The following OAS3 variants were observed in gnomAD, a reference collection of about 807,000 sequenced individuals.
OAS3 encodes the protein 2'-5'-oligoadenylate synthetase 3.
OAS3 carries 107 observed loss-of-function variants against 113.0 expected under a neutral mutation model. That is an observed-to-expected ratio of 0.95 (90% confidence interval 0.81 to 1.11). The LOEUF (loss-of-function observed/expected upper bound fraction) is 1.11. Among genes scored for constraint, OAS3 ranks in the 50% most tolerant of loss-of-function variants. The probability of loss-of-function intolerance (pLI) is 0.00; values close to 1 mark genes in which losing one functional copy is unlikely to be tolerated. For missense variants in OAS3, 1,258 were observed against 1,389.1 expected, an observed-to-expected ratio of 0.91 and a Z score of 1.50; for synonymous variants, 552 against 573.6, an observed-to-expected ratio of 0.96 and a Z score of 0.54.
chr12:112,959,893 T>C lies in OAS3; in HGVS notation c.1658-1178T>C, dbSNP rs982659443. Among the ~76,000 whole-genome samples, 33 of 152,314 alleles carry C rather than the reference T, an allele frequency of 2.2e-4. 1 individual carries two copies. The highest frequency in any genetic ancestry group is 7.9e-4 in the African/African-American group (33 of 41,538). On this transcript the variant is annotated intron_variant, in intron 7 of 15. Coordinates refer to ENST00000228928, the MANE Select transcript of OAS3 (RefSeq NM_006187.4). ...TATTTGTTCATAGGCTTCGATTCTT[T>C]CACTGTGGTTTCAGTTTCTTTGATG... is the stretch of plus-strand genomic sequence containing the variant.
intron 11 of OAS3, among the ~76,000 whole-genome samples, chr12:112,965,369 G>A (rs2043924054): frequency 6.6e-6 from 1 of 152,112 alleles, no homozygotes; most frequent in South Asian, 2.1e-4. Context: ...CCCCAACCCA[G>A]GAAAACTTAA....
chr12:112,941,848 C>T lies in OAS3; in HGVS notation c.456C>T (p.Val152=). Residue 152 remains valine (V), a synonymous_variant, in exon 2 of 16, where the codon GTC becomes GTT. Transcript: ENST00000228928. The part of the protein sequence containing the change: ...MDVSLVPAFN[V]LGQAGSGVKP... ...TTAGCCTGGTGCCTGCCTTCAATGT[C>T]CTGGGTGAGGGGTTCCTAGACCATT... is the stretch of plus-strand genomic sequence containing the variant. 3 of 1,613,980 alleles carry T rather than the reference C, an allele frequency of 1.9e-6. No individual in the cohort carries two copies.
At chr12:112,958,653 A>C (rs909486442) in intron 7 of OAS3, among the ~76,000 whole-genome samples, 1 of 152,262 alleles carries the variant, frequency 6.6e-6, no homozygotes, top group Non-Finnish European at 1.5e-5. Flanking sequence ...GAGGCTGCAG[A>C]ACAGCAAATA....
At chr12:112,960,935 T>C in intron 7 of OAS3, 136 bp from the exon 8 acceptor site, 2 of 814,088 alleles carry the variant, frequency 2.5e-6, no homozygotes, top group Non-Finnish European at 2.0e-6. Flanking sequence ...TGTTATTCAA[T>C]GTTATAGTGT....
At chr12:112,961,297 C>G in intron 8 of OAS3, 51 bp downstream of exon 8, 1 of 1,554,746 alleles carries the variant, frequency 6.4e-7, no homozygotes, top group East Asian at 2.3e-5. Context: ...ATGGCAACCA[C>G]CCCAGCCAAT....
intron 2 of OAS3, among the ~76,000 whole-genome samples, chr12:112,943,461 A>G (rs902098456): frequency 1.3e-5 from 2 of 152,152 alleles, no homozygotes; most frequent in African/African-American, 4.8e-5. Flanking sequence ...AATTATGGAA[A>G]GTGTTTACTT....
intron 4 of OAS3, 30 bp from the exon 5 acceptor site, chr12:112,947,916 C>T (rs774001530): frequency 6.5e-7 from 1 of 1,550,086 alleles, no homozygotes; most frequent in Admixed American, 2.0e-5. Flanking sequence ...TCTTGCTAAC[C>T]AGAACCTTCT....
Position 112,970,104 on chromosome 12 carries a change from G to T in OAS3, c.*131G>T. 1.0e-6 allele frequency: 1 copy of T among 968,402 alleles called. No individual in the cohort carries two copies. Among genetic ancestry groups the T allele is most frequent in the Non-Finnish European group, 1.6e-6 (1 of 620,240 alleles). 60.0% of individuals were successfully genotyped at this position (968,402 alleles called of 1,614,324 possible). ...TGTGTGTGAGCACATGTGTGCATGT[G>T]TGTGCACACGTGTGCATGTGTGTGT... On this transcript the variant is annotated 3_prime_UTR_variant, in exon 16 of 16. Transcript: ENST00000228928.
chr12:112,938,797 T>C, intron 1 of OAS3, 90 bp downstream of exon 1: 1 of 1,071,580 alleles, frequency 9.3e-7, no homozygotes, highest in Non-Finnish European at 1.3e-6. Flanking sequence ...GGGGGTGGCT[T>C]TATCCGCTTG....
intron 12 of OAS3, among the ~76,000 whole-genome samples, chr12:112,966,501 C>T (rs375604974): frequency 6.6e-6 from 1 of 152,174 alleles, no homozygotes; most frequent in African/African-American, 2.4e-5. Flanking sequence ...AAAATAAAGC[C>T]TTGAACAAAA....
intron 5 of OAS3, 29 bp downstream of exon 5, chr12:112,948,128 G>C (rs1221275074): frequency 2.7e-6 from 4 of 1,486,818 alleles, no homozygotes; most frequent in Non-Finnish European, 3.6e-6. Flanking sequence ...GGACCCTTGG[G>C]TTTTGCACTT....
Position 112,970,093 on chromosome 12 carries a change from T to TGTGTGCATGTGTGTGCACAC in OAS3, c.*136_*155dup, listed in dbSNP as rs988152202. The TGTGTGCATGTGTGTGCACAC allele has an allele frequency of 8.3e-6, 9 of 1,078,962 alleles. No individual in the cohort carries two copies. In the East Asian group the frequency reaches 1.5e-4, roughly 18 times the overall value. 66.8% of individuals were successfully genotyped at this position (1,078,962 alleles called of 1,614,324 possible). Reference sequence around the variant, plus strand: ...TTGTGTACATGTGTGTGTGAGCACATGTGTGCATGTGTGTGCACACGTGTG... The same window carrying TGTGTGCATGTGTGTGCACAC: ...TTGTGTACATGTGTGTGTGAGCACATGTGTGCATGTGTGTGCACACGTGTGCATGTGTGTGCACACGTGTG... On this transcript the variant is annotated 3_prime_UTR_variant, in exon 16 of 16. Transcript: ENST00000228928.
chr12:112,970,932 G>T lies in OAS3; in HGVS notation c.*959G>T, dbSNP rs2136365436. 6.6e-6 allele frequency: 1 copy of T among 152,254 alleles called. No individual in the cohort carries two copies. The highest frequency in any genetic ancestry group is 2.1e-4 in the South Asian group (1 of 4,810). 9.4% of individuals were successfully genotyped at this position (152,254 alleles called of 1,614,324 possible). A position where few individuals can be genotyped will look rare whatever the true frequency, so the allele number is the denominator to read the frequency against. On this transcript the variant is annotated 3_prime_UTR_variant, in exon 16 of 16. Transcript: ENST00000228928. ...CCTGTTTTCTCTCCTAACATGCTGAGATTCTGCATCCCCACAGCCTAAACT... is the reference window on the plus strand; with the variant it reads ...CCTGTTTTCTCTCCTAACATGCTGATATTCTGCATCCCCACAGCCTAAACT...
rs1459512676 is a variant in OAS3, at chr12:112,954,062, C to T, written c.1657+3087C>T. 2.6e-5 allele frequency among the ~76,000 whole-genome samples: 4 copies of T among 152,170 alleles called. No homozygotes were observed. Among genetic ancestry groups the T allele is most frequent in the African/African-American group, 9.7e-5 (4 of 41,426 alleles). On this transcript the variant is annotated intron_variant, in intron 7 of 15. Transcript: ENST00000228928. The surrounding 1 kb of genome is among the most constrained non-coding windows in gnomAD (Gnocchi z 4.0). Reference sequence around the variant, plus strand: ...TGGTGTTTTAGTCATGAAGTCCTTGCCCATGCCTATGTCCTGAATGGTATT... The same window carrying T: ...TGGTGTTTTAGTCATGAAGTCCTTGTCCATGCCTATGTCCTGAATGGTATT...
At chr12:112,966,153 T>C in intron 12 of OAS3, 124 bp downstream of exon 12, 1 of 1,003,128 alleles carries the variant, frequency 1.0e-6, no homozygotes, top group Non-Finnish European at 1.5e-6. Context: ...GGCATTGTAG[T>C]TGTGTATGTT....
At position 112,963,410 on chromosome 12, in the gene OAS3, T is replaced by C. The variant is rs1271776357; in HGVS notation, c.2182T>C (p.Cys728Arg). The C allele has an allele frequency of 6.4e-7, 1 of 1,551,778 alleles. No individual in the cohort carries two copies. The highest frequency in any genetic ancestry group is 8.7e-7 in the Non-Finnish European group (1 of 1,147,108). ...AGCAGCAGCGCTGGGGATGCAGGCCTGCTTTCTGAGTAGAGACGGGACATC... is the reference window on the plus strand; with the variant it reads ...AGCAGCAGCGCTGGGGATGCAGGCCCGCTTTCTGAGTAGAGACGGGACATC... Reference protein sequence around the residue: ...QEAAALGMQACFLSRDGTSVQ... With the variant: ...QEAAALGMQARFLSRDGTSVQ... Residue 728 changes from cysteine to arginine, a missense_variant, in exon 10 of 16, where the codon TGC (cysteine) becomes CGC (arginine). Physicochemically the swap from Cys to Arg is radical, Grantham distance 180. Transcript: ENST00000228928. The surrounding 1 kb of genome is among the most constrained non-coding windows in gnomAD (Gnocchi z 4.6).
At chr12:112,946,096 T>G (rs1273189285) in intron 3 of OAS3, among the ~76,000 whole-genome samples, 4 of 152,134 alleles carry the variant, frequency 2.6e-5, no homozygotes, top group Non-Finnish European at 5.9e-5. Flanking sequence ...CACGCATGTT[T>G]GTCACCCCAG....
intron 4 of OAS3, 61 bp downstream of exon 4, chr12:112,947,042 A>C: frequency 7.0e-7 from 1 of 1,437,348 alleles, no homozygotes; most frequent in Admixed American, 1.8e-5. Flanking sequence ...GATAATTGAC[A>C]AGGACAAAAC....
At position 112,941,940 on chromosome 12, in the gene OAS3, T is replaced by A. The variant is rs1472498482; in HGVS notation, c.460+88T>A. On this transcript the variant is annotated intron_variant, in intron 2 of 15. Coordinates refer to ENST00000228928, the MANE Select transcript of OAS3 (RefSeq NM_006187.4). ...TTCCAATTCTAGCCCAGCCACCAAC[T>A]TGCTGTTTGACCTGGGCCAGCCTCT... 5 of 1,564,216 alleles carry A rather than the reference T, an allele frequency of 3.2e-6. No homozygotes were observed. The African/African-American group carries it at 6.8e-5, about 21-fold the overall frequency.
Sources: allele counts gnomAD v4.1 joint callset (sites outside exome capture counted in the v4.1 genomes callset), GRCh38; gene constraint gnomAD v4.1.1; non-coding constraint Gnocchi (gnomAD v3.1); transcripts MANE v1.5; gene names NCBI Gene and HGNC (gene_info 2026-07-23, HGNC 2026-07-21).